The following ACTG1 variants were observed in gnomAD, a reference collection of about 807,000 sequenced individuals.
ACTG1 encodes the protein actin, cytoplasmic 2.
Under a neutral mutation model 34.3 loss-of-function variants are expected in ACTG1, and 14 were observed. The ratio of observed to expected loss-of-function variants is 0.41; its 90% CI spans 0.27 to 0.64. ACTG1 has a LOEUF of 0.64. Among genes scored for constraint, ACTG1 ranks in the 30% least tolerant of loss-of-function variants. The pLI, the probability that ACTG1 is intolerant of heterozygous loss-of-function variation, is 0.33. For missense variants in ACTG1, 233 were observed against 529.5 expected (o/e 0.44, Z 5.50); for synonymous variants, 422 against 213.9 (o/e 1.97, Z -8.49).
intron 2 of ACTG1, 33 bp downstream of exon 2, chr17:81,512,199 G>GA: frequency 6.2e-7 from 1 of 1,613,314 alleles, no homozygotes; most frequent in Non-Finnish European, 8.5e-7. Context: ...CCGCAACGCA[G>GA]AACCCAGGAG....
In ACTG1 at chr17:81,510,210, A is replaced by C. The variant is rs1276613545; in HGVS notation, c.*480T>G. On this transcript the variant is annotated 3_prime_UTR_variant, in exon 6 of 6. Coordinates refer to ENST00000573283, the MANE Select transcript of ACTG1 (RefSeq NM_001614.5). ...TTCTGGCCAAAGACATCAGCTAAGA[A>C]AGGAAACTGGGTCCTACGGCTTGGA... The C allele has an allele frequency of 1.9e-6, 1 of 525,026 alleles. No individual in the cohort carries two copies. The highest frequency in any genetic ancestry group is 3.4e-6 in the Non-Finnish European group (1 of 292,158). The allele number at this position is 525,026 out of a possible 1,614,324, so 32.5% of individuals were successfully genotyped here. A position where few individuals can be genotyped will look rare whatever the true frequency, so the allele number is the denominator to read the frequency against.
At position 81,510,440 on chromosome 17, in the gene ACTG1, G is replaced by C. The variant is rs3369; in HGVS notation, c.*250C>G. 1.6e-6 allele frequency: 1 copy of C among 630,210 alleles called. No homozygotes were observed. Among genetic ancestry groups the C allele is most frequent in the African/African-American group, 1.8e-5 (1 of 55,346 alleles). 39.0% of individuals were successfully genotyped at this position (630,210 alleles called of 1,614,324 possible). A position where few individuals can be genotyped will look rare whatever the true frequency, so the allele number is the denominator to read the frequency against. On this transcript the variant is annotated 3_prime_UTR_variant, in exon 6 of 6. Coordinates refer to ENST00000573283, the MANE Select transcript of ACTG1 (RefSeq NM_001614.5). ...AGTGACCAAGCCACACGTACTAAAG[G>C]TTGAACTCAAAGATATGTACAGGGT... is the stretch of plus-strand genomic sequence containing the variant.
chr17:81,511,798 CAG>C (rs1555666929), intron 3 of ACTG1, 103 bp downstream of exon 3: 2 of 1,587,056 alleles, frequency 1.3e-6, no homozygotes, highest in African/African-American at 2.7e-5. Flanking sequence ...GGGAGAGGAA[CAG>C]AGCCTGGAAC....
rs1165617944 is a variant in ACTG1, at chr17:81,510,089, G to C, written c.*601C>G. On this transcript the variant is annotated 3_prime_UTR_variant, in exon 6 of 6. Transcript: ENST00000573283. ...TCATCTCTTCAAAGAATCGAGAATT[G>C]CGTACAAAAAAAACCTTACATAAAT... is the stretch of plus-strand genomic sequence containing the variant. 1 of 459,136 alleles carries C rather than the reference G, an allele frequency of 2.2e-6. No homozygotes were observed. Among genetic ancestry groups the C allele is most frequent in the African/African-American group, 2.0e-5 (1 of 49,942 alleles). 28.4% of individuals were successfully genotyped at this position (459,136 alleles called of 1,614,324 possible).
In ACTG1 at chr17:81,512,724, G is replaced by A. The variant is rs1234362709; in HGVS notation, c.-7+10C>T. ...GACGTCCAGCTCAGGCCCCGGGGCG[G>A]GGCGCTCACCGGCAGAGAAACGCGA... On this transcript the variant is annotated intron_variant, in intron 1 of 5. Coordinates refer to ENST00000573283, the MANE Select transcript of ACTG1 (RefSeq NM_001614.5). 4.9e-6 allele frequency: 2 copies of A among 408,254 alleles called. No individual in the cohort carries two copies. Among genetic ancestry groups the A allele is most frequent in the Admixed American group, 6.4e-5 (2 of 31,358 alleles). 25.3% of individuals were successfully genotyped at this position (408,254 alleles called of 1,614,324 possible).
chr17:81,512,475 T>C, intron 1 of ACTG1, 115 bp from the exon 2 acceptor site: 10 of 1,572,686 alleles, frequency 6.4e-6, no homozygotes, highest in East Asian at 2.2e-5. Context: ...CCAGCGGCCG[T>C]GGCCTCCAAG....
chr17:81,512,137 G>A lies in ACTG1; in HGVS notation c.129C>T (p.Val43=), dbSNP rs1206292774. 1.9e-6 allele frequency: 3 copies of A among 1,613,614 alleles called. No individual in the cohort carries two copies. Among genetic ancestry groups the A allele is most frequent in the Admixed American group, 3.3e-5 (2 of 60,032 alleles). The change falls in exon 3 of 6, where the codon GTC becomes GTT. Residue 43 remains valine, a synonymous_variant. Transcript: ENST00000573283. ...SIVGRPRHQG[V]MVGMGQKDSY... Reference sequence around the variant, plus strand: ...AGTCCTTCTGGCCCATGCCCACCATGACGCCCTGCAGGGGACGACCCGTCA... The same window carrying A: ...AGTCCTTCTGGCCCATGCCCACCATAACGCCCTGCAGGGGACGACCCGTCA...
rs202155328 is a variant in ACTG1, at chr17:81,511,294, G to C, written c.696C>G (p.Ser232=). 11 of 1,613,814 alleles carry C rather than the reference G, an allele frequency of 6.8e-6. No individual in the cohort carries two copies. The highest frequency in any genetic ancestry group is 2.2e-5 in the East Asian group (1 of 44,886). The change falls in exon 4 of 6, where the codon TCC becomes TCG. Residue 232 remains serine, a synonymous_variant. Coordinates refer to ENST00000573283, the MANE Select transcript of ACTG1 (RefSeq NM_001614.5). The part of the protein sequence containing the change: ...DFEQEMATAA[S]SSSLEKSYEL... ...CGTAGCTCTTCTCCAGAGAAGAGGA[G>C]GATGCGGCGGTGGCCATCTCCTGCT...
At position 81,510,956 on chromosome 17, in the gene ACTG1, C is replaced by A. The variant is rs1555666470; in HGVS notation, c.955G>T (p.Ala319Ser). 1 of 1,614,088 alleles carries A rather than the reference C, an allele frequency of 6.2e-7. No individual in the cohort carries two copies. The highest frequency in any genetic ancestry group is 8.5e-7 in the Non-Finnish European group (1 of 1,180,018). ...ATCTTCATGGTGCTGGGCGCCAGGG[C>A]GGTGATCTCCTTCTGCATCCTGTCG... ...IADRMQKEIT[A>S]LAPSTMKIKI... The change falls in exon 5 of 6, where the codon GCC becomes TCC. Residue 319 changes from alanine to serine, a missense_variant. Transcript: ENST00000573283.
chr17:81,510,583 C>CT lies in ACTG1; in HGVS notation c.*106dup. On this transcript the variant is annotated 3_prime_UTR_variant, in exon 6 of 6. Coordinates refer to ENST00000573283, the MANE Select transcript of ACTG1 (RefSeq NM_001614.5). The stretch of plus-strand genomic sequence containing the variant: ...TTCAAGGACAATTTCTTTTCGAAGG[C>CT]TTATTCCAGTTTCGTGAGGCTAGCA... The CT allele has an allele frequency of 7.1e-7, 1 of 1,416,764 alleles. No individual in the cohort carries two copies. Among genetic ancestry groups the CT allele is most frequent in the Non-Finnish European group, 1.0e-6 (1 of 1,003,660 alleles). 87.8% of individuals were successfully genotyped at this position (1,416,764 alleles called of 1,614,324 possible).
At position 81,512,316 on chromosome 17, in the gene ACTG1, G is replaced by A. The variant is rs146865914; in HGVS notation, c.39C>T (p.Gly13=). The change falls in exon 2 of 6, where the codon GGC becomes GGT. Residue 13 remains glycine (G), a synonymous_variant. Coordinates refer to ENST00000573283, the MANE Select transcript of ACTG1 (RefSeq NM_001614.5). ...CAAAACCAGCTTTGCACATGCCGGA[G>A]CCATTGTCAATGACCAGCGCGGCGA... is the stretch of plus-strand genomic sequence containing the variant. The part of the protein sequence containing the change: ...EEIAALVIDN[G]SGMCKAGFAG... The A allele has an allele frequency of 1.1e-3, 1,772 of 1,613,970 alleles. 3 individuals are homozygous for A. The highest frequency in any genetic ancestry group is 5.3e-3 in the East Asian group (239 of 44,868).
chr17:81,512,613 A>T (rs1555667447), intron 1 of ACTG1, 121 bp downstream of exon 1: 17 of 557,962 alleles, frequency 3.0e-5, no homozygotes, highest in Non-Finnish European at 5.3e-5. Context: ...GACCCGGCCC[A>T]CCCCGCCTTT....
rs876657740 is a variant in ACTG1, at chr17:81,511,613, G to C, written c.377C>G (p.Thr126Ser). 1 of 1,613,378 alleles carries C rather than the reference G, an allele frequency of 6.2e-7. No individual in the cohort carries two copies. Residue 126 changes from threonine (T) to serine (S), a missense_variant, in exon 4 of 6, where the codon ACC becomes AGC. Transcript: ENST00000573283. ...CACGTACATGGCCGGGGTGTTGAAG[G>C]TCTCAAACATAATCTGAGAAGGGAC... ...REKMTQIMFE[T>S]FNTPAMYVAI...
Position 81,512,328 on chromosome 17 carries a change from G to C in ACTG1, c.27C>G (p.Val9=), listed in dbSNP as rs1188613407. The change falls in exon 2 of 6, where the codon GTC becomes GTG. Residue 9 remains valine, a synonymous_variant. Transcript: ENST00000573283. ...TGCACATGCCGGAGCCATTGTCAAT[G>C]ACCAGCGCGGCGATCTCTTCTTCCA... MEEEIAAL[V]IDNGSGMCKA... 2 of 1,613,974 alleles carry C rather than the reference G, an allele frequency of 1.2e-6. No individual in the cohort carries two copies. Among genetic ancestry groups the C allele is most frequent in the African/African-American group, 1.3e-5 (1 of 75,042 alleles).
rs377741704 is a variant in ACTG1 at position 81,512,180 on chromosome 17, G to T, written c.124-38C>A. On this transcript the variant is annotated intron_variant, in intron 2 of 5. Coordinates refer to ENST00000573283, the MANE Select transcript of ACTG1 (RefSeq NM_001614.5). ...ACCCGTCAGCCTCGCCGGCGACACC[G>T]AACCCACCCCGCAACGCAGAACCCA... 35 of 1,613,112 alleles carry T rather than the reference G, an allele frequency of 2.2e-5. No individual in the cohort carries two copies. In the African/African-American group the frequency reaches 4.1e-4, roughly 19 times the overall value.
In ACTG1 at chr17:81,510,916, C is replaced by A. The variant is rs782456891; in HGVS notation, c.984+11G>T. On this transcript the variant is annotated intron_variant, in intron 5 of 5. Transcript: ENST00000573283. ...CGAGCCAGGCAGAGGGCCACCAACC[C>A]CTCGACTCACCTTGATCTTCATGGT... 1 of 1,613,956 alleles carries A rather than the reference C, an allele frequency of 6.2e-7. No individual in the cohort carries two copies. The highest frequency in any genetic ancestry group is 1.3e-5 in the African/African-American group (1 of 75,042).
In ACTG1 at chr17:81,511,894, G is replaced by A. The variant is rs200000684; in HGVS notation, c.363+9C>T. The A allele has an allele frequency of 2.4e-5, 39 of 1,613,956 alleles. No homozygotes were observed. The highest frequency in any genetic ancestry group is 1.1e-4 in the African/African-American group (8 of 74,932). On this transcript the variant is annotated intron_variant, in intron 3 of 5. Coordinates refer to ENST00000573283, the MANE Select transcript of ACTG1 (RefSeq NM_001614.5). ...GACGGGAGGAGCACGGGCGTCGGCC[G>A]AGCCTCACCTGAGTCATCTTCTCTC...
At chr17:81,511,696 A>T in intron 3 of ACTG1, 70 bp from the exon 4 acceptor site, 1 of 1,546,302 alleles carries the variant, frequency 6.5e-7, no homozygotes, top group Non-Finnish European at 8.8e-7. Flanking sequence ...ACACGCCACA[A>T]CATGCTGCAT....
chr17:81,512,189 C>A (rs770592789), intron 2 of ACTG1, 43 bp downstream of exon 2: 34 of 1,613,346 alleles, frequency 2.1e-5, no homozygotes, highest in Non-Finnish European at 2.7e-5. Flanking sequence ...CGAACCCACC[C>A]CGCAACGCAG....
Sources: allele counts gnomAD v4.1 joint callset, GRCh38; gene constraint gnomAD v4.1.1; transcripts MANE v1.5; gene names NCBI Gene and HGNC (gene_info 2026-07-23, HGNC 2026-07-21).